The following RBFOX3 variants were observed in gnomAD, a reference collection of about 807,000 sequenced individuals.
RBFOX3 encodes RNA binding protein fox-1 homolog 3.
RBFOX3 carries 17 observed loss-of-function variants against 48.7 expected under a neutral mutation model. The observed-to-expected ratio is 0.35, with a 90% CI of 0.24 to 0.52. The LOEUF is 0.52. Among genes scored for constraint, RBFOX3 ranks in the 20% least tolerant of loss-of-function variants. The pLI is 0.94. For missense variants in RBFOX3, 382 were observed against 497.5 expected, an observed-to-expected ratio of 0.77 and a Z score of 2.21; for synonymous variants, 212 against 209.5, an observed-to-expected ratio of 1.01 and a Z score of -0.10.
chr17:79,378,128 TA>T (rs1314386385), intron 2 of RBFOX3, among the ~76,000 whole-genome samples: 58 of 152,054 alleles, frequency 3.8e-4, no homozygotes, highest in Admixed American at 2.9e-3. Context: ...ATCCATCTCA[TA>T]GGGGGGGCGC....
intron 2 of RBFOX3, among the ~76,000 whole-genome samples, chr17:79,452,331 G>A (rs1046753746): frequency 6.6e-6 from 1 of 152,202 alleles, no homozygotes; most frequent in East Asian, 1.9e-4. Context: ...GCGGAGGAAC[G>A]CAGCAGTCAT....
intron 4 of RBFOX3, among the ~76,000 whole-genome samples, chr17:79,169,769 G>A (rs1244241898): frequency 1.3e-5 from 2 of 152,180 alleles, no homozygotes; most frequent in Admixed American, 1.3e-4. Context: ...TTGTTAAGAT[G>A]GTGAAAATAT....
At chr17:79,160,702 G>A (rs530392774) in intron 4 of RBFOX3, among the ~76,000 whole-genome samples, 4 of 152,218 alleles carry the variant, frequency 2.6e-5, no homozygotes, top group South Asian at 4.2e-4. Context: ...ACATCTTGGC[G>A]AGCGTAGTGG....
At chr17:79,564,119 C>A (rs1181332621) in intron 1 of RBFOX3, among the ~76,000 whole-genome samples, 1 of 152,200 alleles carries the variant, frequency 6.6e-6, no homozygotes, top group Non-Finnish European at 1.5e-5. Flanking sequence ...AAGGAAAGAA[C>A]CAGCATTTAA....
At chr17:79,282,102 G>A (rs2070694764) in intron 3 of RBFOX3, among the ~76,000 whole-genome samples, 1 of 152,222 alleles carries the variant, frequency 6.6e-6, no homozygotes, top group Non-Finnish European at 1.5e-5. Flanking sequence ...AAATAGTGCT[G>A]ACCAAAGGCC....
chr17:79,663,405 C>T, the RBFOX3 span, among the ~76,000 whole-genome samples: 3 of 152,148 alleles, frequency 2.0e-5, no homozygotes, highest in East Asian at 1.9e-4. Flanking sequence ...GAGAAGAATT[C>T]GTTTCTGTCT....
chr17:79,626,399 C>T, the RBFOX3 span, among the ~76,000 whole-genome samples: 1 of 152,220 alleles, frequency 6.6e-6, no homozygotes, highest in Admixed American at 6.5e-5. Flanking sequence ...CCTGTCTCAG[C>T]GGGCCACGCC....
At chr17:79,338,809 G>A (rs746824176) in intron 2 of RBFOX3, among the ~76,000 whole-genome samples, 64 of 152,118 alleles carry the variant, frequency 4.2e-4, no homozygotes, top group Non-Finnish European at 7.9e-4. Flanking sequence ...GCTTTTCCTT[G>A]TTAGCCCTGG....
rs534929303 is a variant in RBFOX3 at position 79,323,167 on chromosome 17, C to T, written c.-174-15343G>A. On this transcript the variant is annotated intron_variant, in intron 2 of 14. Coordinates refer to ENST00000693108, the MANE Select transcript of RBFOX3 (RefSeq NM_001350451.2). ...GAAGATTATTGATATTCTGATCCCA[C>T]TGTCACTGGGATTGGAAATGATGCT... is the stretch of plus-strand genomic sequence containing the variant. Among the ~76,000 whole-genome samples, 51 of 152,350 alleles carry T rather than the reference C, an allele frequency of 3.3e-4. 1 individual carries two copies. Among genetic ancestry groups the T allele is most frequent in the Admixed American group, 1.2e-3 (19 of 15,310 alleles).
the RBFOX3 span, among the ~76,000 whole-genome samples, chr17:79,616,461 G>C: frequency 7.9e-5 from 12 of 151,686 alleles, no homozygotes; most frequent in Non-Finnish European, 1.5e-4. Context: ...ACTTGAACCC[G>C]GGAGGTGGAG....
intron 4 of RBFOX3, among the ~76,000 whole-genome samples, chr17:79,194,644 A>G (rs1018519346): frequency 1.3e-5 from 2 of 151,692 alleles, no homozygotes; most frequent in Non-Finnish European, 2.9e-5. Flanking sequence ...TGGTTCTTCA[A>G]GAGTTTTGTG....
chr17:79,283,429 C>A (rs1184377698), intron 3 of RBFOX3, among the ~76,000 whole-genome samples: 1 of 152,036 alleles, frequency 6.6e-6, no homozygotes. Context: ...CCACCATGCC[C>A]AGCTAATTTT....
chr17:79,344,585 C>T (rs953948743), intron 2 of RBFOX3, among the ~76,000 whole-genome samples: 5 of 141,104 alleles, frequency 3.5e-5, no homozygotes, highest in African/African-American at 1.3e-4. Context: ...GACGGAGTCT[C>T]ACTCCATTGC....
chr17:79,406,978 C>T (rs1018691162), intron 2 of RBFOX3, among the ~76,000 whole-genome samples: 6 of 152,136 alleles, frequency 3.9e-5, no homozygotes, highest in African/African-American at 9.7e-5. Flanking sequence ...GCAGATCCAC[C>T]GGTGCTTACC....
the RBFOX3 span, among the ~76,000 whole-genome samples, chr17:79,656,382 A>G: frequency 0.01 from 1,596 of 152,224 alleles, 33 homozygotes; most frequent in African/African-American, 0.037. Context: ...GGGAGGCAGA[A>G]GTGGGCGCAT....
the RBFOX3 span, among the ~76,000 whole-genome samples, chr17:79,631,623 C>A: frequency 6.6e-6 from 1 of 152,204 alleles, no homozygotes; most frequent in Non-Finnish European, 1.5e-5. Context: ...TGATTATGTT[C>A]TCAAGGCACC....
intron 4 of RBFOX3, among the ~76,000 whole-genome samples, chr17:79,173,488 A>G (rs9899329): frequency 0.059 from 8,922 of 152,190 alleles, 289 homozygotes; most frequent in East Asian, 0.18. Flanking sequence ...GGGAGGGCCT[A>G]TTCTCTCTAA....
intron 2 of RBFOX3, among the ~76,000 whole-genome samples, chr17:79,404,684 C>T (rs2063320977): frequency 6.6e-6 from 1 of 152,184 alleles, no homozygotes; most frequent in Admixed American, 6.5e-5. Flanking sequence ...AAATCACTCA[C>T]TGGGCCCAGT....
intron 2 of RBFOX3, among the ~76,000 whole-genome samples, chr17:79,344,429 C>T (rs1377560917): frequency 6.6e-6 from 1 of 152,148 alleles, no homozygotes; most frequent in East Asian, 1.9e-4. Flanking sequence ...ATGCATCTCT[C>T]CCAACAGCCA....
Sources: allele counts gnomAD v4.1 joint callset (sites outside exome capture counted in the v4.1 genomes callset), GRCh38; gene constraint gnomAD v4.1.1; transcripts MANE v1.5; gene names NCBI Gene and HGNC (gene_info 2026-07-23, HGNC 2026-07-21).